RAB17: variants seen among roughly 807,000 people sequenced by gnomAD.
RAB17 encodes the protein RAB17, member RAS oncogene family.
A neutral mutation model predicts 19.3 loss-of-function variants in RAB17; 15 were observed. The ratio of observed to expected loss-of-function variants is 0.78; its 90% CI spans 0.52 to 1.20. The LOEUF is 1.20. Among genes scored for constraint, RAB17 ranks in the 50% most tolerant of loss-of-function variants. The probability of loss-of-function intolerance (pLI) is 0.00; values close to 1 mark genes in which losing one functional copy is unlikely to be tolerated. For missense variants in RAB17, 262 were observed against 269.3 expected (o/e 0.97, Z 0.19); for synonymous variants, 110 against 112.8 (o/e 0.97, Z 0.16).
intron 2 of RAB17, among the ~76,000 whole-genome samples, chr2:237,582,835 T>C (rs1179320828): frequency 1.3e-5 from 2 of 152,254 alleles, no homozygotes; most frequent in Non-Finnish European, 2.9e-5. Context: ...GTAATTATTA[T>C]AATGAGGATT....
chr2:237,575,491 C>T lies in RAB17; in HGVS notation c.436-11G>A, dbSNP rs936134211. 10 of 1,600,944 alleles carry T rather than the reference C, an allele frequency of 6.2e-6. No individual in the cohort carries two copies. The Admixed American group carries it at 1.2e-4, about 19-fold the overall frequency. ...AAACTCCTTCCCTTCCTGAAGGAAA[C>T]AGCCACAAAATCCAGCGCTGTTTAT... On this transcript the variant is annotated splice_polypyrimidine_tract_variant and intron_variant, in intron 4 of 5. Transcript: ENST00000264601.
rs888307597 is a variant in RAB17, at chr2:237,578,142, T to C, written c.171A>G (p.Thr57=). ...ILPTVGCAFF[T]KVVDVGATSL... ...AGGTGGCACCCACATCCACCACCTT[T>C]GTGAAGAACGCACCTGAAACAGGGA... Residue 57 remains threonine, a synonymous_variant, in exon 3 of 6, where the codon ACA becomes ACG. Transcript: ENST00000264601. 6.2e-6 allele frequency: 10 copies of C among 1,611,040 alleles called. No homozygotes were observed. Among genetic ancestry groups the C allele is most frequent in the Non-Finnish European group, 8.5e-6 (10 of 1,177,602 alleles).
intron 3 of RAB17, 96 bp from the exon 4 acceptor site, chr2:237,577,478 T>A: frequency 7.1e-7 from 1 of 1,401,676 alleles, no homozygotes; most frequent in Non-Finnish European, 9.6e-7. Context: ...TCACGTTGTG[T>A]AAAATGTCAC....
chr2:237,576,910 GC>G, intron 4 of RAB17, among the ~76,000 whole-genome samples: 1 of 152,184 alleles, frequency 6.6e-6, no homozygotes, highest in Admixed American at 6.5e-5. Context: ...CTGCCGCCCT[GC>G]CCTTCCCTCT....
chr2:237,585,252 G>A (rs1328421531), intron 2 of RAB17, among the ~76,000 whole-genome samples: 1 of 152,252 alleles, frequency 6.6e-6, no homozygotes, highest in East Asian at 1.9e-4. Flanking sequence ...CCATGTCAGA[G>A]TCCGAATTTG....
In RAB17 at chr2:237,580,632, G is replaced by A. The variant is rs540505000; in HGVS notation, c.158-2477C>T. Among the ~76,000 whole-genome samples the A allele has an allele frequency of 2.4e-4, 36 of 152,222 alleles. No homozygotes were observed. The South Asian group carries it at 5.8e-3, about 25-fold the overall frequency. On this transcript the variant is annotated intron_variant, in intron 2 of 5. Coordinates refer to ENST00000264601, the MANE Select transcript of RAB17 (RefSeq NM_022449.4). The stretch of plus-strand genomic sequence containing the variant: ...CATGCCCCTGTAGTCCCAGCTACTC[G>A]GGAGGCCGAAGCAGGAGAATCGCTT...
intron 4 of RAB17, chr2:237,576,441 C>A: frequency 2.6e-6 from 1 of 391,632 alleles, no homozygotes; most frequent in African/African-American, 2.1e-5. Context: ...CTCCCCCACC[C>A]CAACTTGCAA....
intron 1 of RAB17, among the ~76,000 whole-genome samples, chr2:237,589,077 G>A (rs1357184242): frequency 1.3e-5 from 2 of 152,082 alleles, no homozygotes; most frequent in African/African-American, 2.4e-5. Context: ...AAAATTAGCT[G>A]GGTGTGGTGG....
In RAB17 at chr2:237,584,713, C is replaced by G. The variant is rs529926945; in HGVS notation, c.157+1285G>C. Among the ~76,000 whole-genome samples the G allele has an allele frequency of 9.2e-5, 14 of 152,318 alleles. 1 individual carries two copies. Among genetic ancestry groups the G allele is most frequent in the African/African-American group, 3.4e-4 (14 of 41,564 alleles). On this transcript the variant is annotated intron_variant, in intron 2 of 5. Coordinates refer to ENST00000264601, the MANE Select transcript of RAB17 (RefSeq NM_022449.4). ...ATACCAGCCACCCAGGTACAAAGCT[C>G]TCAACATCCAGGCCTGGTGAGGCCC...
rs900970915 is a variant in RAB17, at chr2:237,574,412, C to T, written c.*607G>A. ...GGCGAAATGTCTCAGAATCTTCCTG[C>T]TCATTGGACAGAAACTCAGCTTCAC... On this transcript the variant is annotated 3_prime_UTR_variant, in exon 6 of 6. Coordinates refer to ENST00000264601, the MANE Select transcript of RAB17 (RefSeq NM_022449.4). The T allele has an allele frequency of 9.7e-6, 15 of 1,544,408 alleles. No homozygotes were observed. In the African/African-American group the frequency reaches 1.8e-4, roughly 18 times the overall value.
chr2:237,586,831 G>A (rs1354592112), intron 1 of RAB17, among the ~76,000 whole-genome samples: 1 of 152,186 alleles, frequency 6.6e-6, no homozygotes, highest in Non-Finnish European at 1.5e-5. Context: ...CGCTTCCCCA[G>A]TAATCAGCTC....
intron 2 of RAB17, among the ~76,000 whole-genome samples, chr2:237,580,274 G>A (rs189728698): frequency 2.0e-5 from 3 of 152,146 alleles, no homozygotes; most frequent in Non-Finnish European, 2.9e-5. Flanking sequence ...GTCTTAAAAC[G>A]TGGGCCTTTT....
chr2:237,580,247 C>T (rs60550867), intron 2 of RAB17, among the ~76,000 whole-genome samples: 19,234 of 152,252 alleles, frequency 0.13, 2,280 homozygotes, highest in African/African-American at 0.31. Context: ...GTCCTCTTTG[C>T]TCTTTGTGGA....
intron 2 of RAB17, among the ~76,000 whole-genome samples, chr2:237,582,240 G>C (rs2081314634): frequency 6.6e-6 from 1 of 152,226 alleles, no homozygotes; most frequent in African/African-American, 2.4e-5. Flanking sequence ...CTTGCCAGGA[G>C]CTGAGCCCAC....
intron 2 of RAB17, among the ~76,000 whole-genome samples, chr2:237,581,754 A>G (rs2081310250): frequency 6.6e-6 from 1 of 152,204 alleles, no homozygotes; most frequent in Non-Finnish European, 1.5e-5. Context: ...CACGTTCTCG[A>G]TTTAGAAGGG....
At chr2:237,579,657 G>T (rs538727937) in intron 2 of RAB17, 1 of 152,134 alleles carries the variant, frequency 6.6e-6, no homozygotes, top group African/African-American at 2.4e-5. Flanking sequence ...AAATAAGGTC[G>T]CACTCACAGG....
chr2:237,581,501 C>T (rs928433399), intron 2 of RAB17, among the ~76,000 whole-genome samples: 2 of 152,056 alleles, frequency 1.3e-5, no homozygotes, highest in Non-Finnish European at 2.9e-5. Context: ...GCAATCTGCC[C>T]GCCTCGGCCT....
At chr2:237,577,518 A>G (rs1168787924) in intron 3 of RAB17, 136 bp from the exon 4 acceptor site, 5 of 1,026,230 alleles carry the variant, frequency 4.9e-6, no homozygotes, top group Non-Finnish European at 5.5e-6. Context: ...GCGCACCTGC[A>G]GGGCTGCTCC....
At position 237,586,037 on chromosome 2, in the gene RAB17, C is replaced by T. The variant is rs780609756; in HGVS notation, c.118G>A (p.Val40Met). 19 of 1,612,904 alleles carry T rather than the reference C, an allele frequency of 1.2e-5. No homozygotes were observed. The highest frequency in any genetic ancestry group is 4.0e-5 in the African/African-American group (3 of 74,860). ...AGGATACTCTTGAAGTCGTTCTTCA[C>T]GTACCGAAGAGCCAAGCTGGACTTA... ...VGKSSLALRYVKNDFKSILPT... is the reference protein window; with the variant it reads ...VGKSSLALRYMKNDFKSILPT... The change falls in exon 2 of 6, where the codon GTG becomes ATG. Residue 40 changes from valine (V) to methionine (M), a missense_variant. Val to Met is a conservative substitution (Grantham distance 21, BLOSUM62 1). Transcript: ENST00000264601.
Sources: gnomAD v4.1 joint callset for allele counts (sites outside exome capture counted in the v4.1 genomes callset) on GRCh38, gnomAD v4.1.1 for gene constraint, MANE v1.5 for transcripts, NCBI Gene and HGNC (gene_info 2026-07-23, HGNC 2026-07-21) for gene names.